Variants in ZSCAN25 observed in about 807,000 individuals in gnomAD.
The protein encoded by ZSCAN25 is zinc finger and SCAN domain-containing protein 25.
ZSCAN25 carries 27 observed loss-of-function variants against 38.7 expected under a neutral mutation model. The observed-to-expected ratio is 0.70, with a 90% confidence interval of 0.51 to 0.96. ZSCAN25 has a LOEUF of 0.96. Among genes scored for constraint, ZSCAN25 ranks in the 40% least tolerant of loss-of-function variants. ZSCAN25 has a pLI of 0.00. For missense variants in ZSCAN25, 637 were observed against 705.9 expected, an observed-to-expected ratio of 0.90 and a Z score of 1.11; for synonymous variants, 273 against 277.7, an observed-to-expected ratio of 0.98 and a Z score of 0.17.
the ZSCAN25 span, chr7:99,714,500 T>G: frequency 2.5e-6 from 4 of 1,604,682 alleles, no homozygotes; most frequent in African/African-American, 5.4e-5. Flanking sequence ...CATATGTATA[T>G]TTCTAAAAAA....
chr7:99,712,900 G>T, the ZSCAN25 span, among the ~76,000 whole-genome samples: 1 of 152,058 alleles, frequency 6.6e-6, no homozygotes, highest in Non-Finnish European at 1.5e-5. Flanking sequence ...GAAGACAAAG[G>T]ATATTTACAC....
chr7:99,662,082 C>CAGAT, the ZSCAN25 span, among the ~76,000 whole-genome samples: 1 of 152,136 alleles, frequency 6.6e-6, no homozygotes, highest in South Asian at 2.1e-4. The surrounding 1 kb of genome is among the most constrained non-coding windows in gnomAD (Gnocchi z 4.3). Flanking sequence ...AGATGATTGA[C>CAGAT]AGATAGATAG....
At chr7:99,718,594 T>C in the ZSCAN25 span, among the ~76,000 whole-genome samples, 4 of 152,154 alleles carry the variant, frequency 2.6e-5, no homozygotes, top group African/African-American at 7.2e-5. Context: ...TTCTTGATGA[T>C]GAAAGACCAA....
At chr7:99,646,432 C>T in the ZSCAN25 span, among the ~76,000 whole-genome samples, 41 of 152,168 alleles carry the variant, frequency 2.7e-4, no homozygotes, top group East Asian at 1.9e-4. Context: ...CAATTTTGTA[C>T]GTTGATTTTG....
At chr7:99,681,161 C>T in the ZSCAN25 span, among the ~76,000 whole-genome samples, 12 of 152,200 alleles carry the variant, frequency 7.9e-5, no homozygotes, top group Non-Finnish European at 1.6e-4. Context: ...CTGAATTGTG[C>T]TCCATTGTGT....
At chr7:99,669,396 A>G in the ZSCAN25 span, among the ~76,000 whole-genome samples, 1 of 152,252 alleles carries the variant, frequency 6.6e-6, no homozygotes, top group Non-Finnish European at 1.5e-5. Context: ...CTCGGACTCA[A>G]TCGTAAGGTA....
chr7:99,644,796 G>T, the ZSCAN25 span, among the ~76,000 whole-genome samples: 4 of 152,098 alleles, frequency 2.6e-5, no homozygotes, highest in African/African-American at 4.8e-5. Context: ...TCCTTTCCAT[G>T]TATGTAACAG....
chr7:99,682,206 G>A, the ZSCAN25 span, among the ~76,000 whole-genome samples: 2 of 152,196 alleles, frequency 1.3e-5, no homozygotes, highest in East Asian at 1.9e-4. Context: ...CTGACCTCAA[G>A]TGATACACCC....
At chr7:99,652,676 C>T in the ZSCAN25 span, 2 of 1,614,100 alleles carry the variant, frequency 1.2e-6, no homozygotes, top group Non-Finnish European at 8.5e-7. Flanking sequence ...ATCTTTCTTG[C>T]AAGTCCTCTC....
chr7:99,683,949 C>T, the ZSCAN25 span, among the ~76,000 whole-genome samples: 5 of 152,200 alleles, frequency 3.3e-5, no homozygotes, highest in South Asian at 1.0e-3. Context: ...TGTGTTTAGC[C>T]TGTTGCCCAA....
At chr7:99,665,874 C>T in the ZSCAN25 span, among the ~76,000 whole-genome samples, 617 of 152,276 alleles carry the variant, frequency 4.1e-3, 2 homozygotes, top group African/African-American at 0.014. Context: ...CCTGAAGTTG[C>T]GCTGAGAGCA....
At chr7:99,687,032 T>A in the ZSCAN25 span, among the ~76,000 whole-genome samples, 1 of 151,904 alleles carries the variant, frequency 6.6e-6, no homozygotes, top group South Asian at 2.1e-4. Flanking sequence ...TACATCACCA[T>A]CATCAAAGAC....
chr7:99,733,191 A>G, the ZSCAN25 span, among the ~76,000 whole-genome samples: 1 of 152,192 alleles, frequency 6.6e-6, no homozygotes, highest in African/African-American at 2.4e-5. Context: ...TGTCACAGCC[A>G]TGGAAAATCA....
At chr7:99,626,125 G>A (rs1807448694) in intron 7 of ZSCAN25, among the ~76,000 whole-genome samples, 1 of 152,240 alleles carries the variant, frequency 6.6e-6, no homozygotes, top group Admixed American at 6.5e-5. Flanking sequence ...GGTTGTAATT[G>A]CAGTAATGTC....
At chr7:99,660,650 T>C in the ZSCAN25 span, 2 of 1,613,784 alleles carry the variant, frequency 1.2e-6, no homozygotes, top group Non-Finnish European at 1.7e-6. Context: ...GAGCTCCAGA[T>C]CAGACAGAGC....
At chr7:99,672,720 G>T in the ZSCAN25 span, 27,368 of 1,611,512 alleles carry the variant, frequency 0.017, 253 homozygotes, top group Non-Finnish European at 0.019. Context: ...TCACTAGCCC[G>T]ATTCTGCAGC....
the ZSCAN25 span, among the ~76,000 whole-genome samples, chr7:99,676,826 A>G: frequency 6.6e-6 from 1 of 151,966 alleles, no homozygotes; most frequent in African/African-American, 2.4e-5. Context: ...CAGATTGACA[A>G]CTGTGTTCAT....
downstream of ZSCAN25, among the ~76,000 whole-genome samples, chr7:99,636,830 C>T (rs1023586670): frequency 5.3e-5 from 8 of 152,222 alleles, no homozygotes; most frequent in African/African-American, 1.9e-4. Context: ...CATCAGCGAG[C>T]ACACTGCTTA....
the ZSCAN25 span, chr7:99,676,678 G>A: frequency 1.6e-6 from 1 of 627,158 alleles, no homozygotes; most frequent in Non-Finnish European, 2.7e-6. Flanking sequence ...AGCCTATGGT[G>A]ACACTGCCCT....
Sources: allele counts gnomAD v4.1 joint callset (sites outside exome capture counted in the v4.1 genomes callset), GRCh38; gene constraint gnomAD v4.1.1; non-coding constraint Gnocchi (gnomAD v3.1); transcripts MANE v1.5; gene names NCBI Gene and HGNC (gene_info 2026-07-23, HGNC 2026-07-21).